The following RREB1 variants were observed in gnomAD, a reference collection of about 807,000 sequenced individuals.
RREB1 encodes ras-responsive element-binding protein 1.
A neutral mutation model predicts 117.8 loss-of-function variants in RREB1; 27 were observed. That is an observed-to-expected ratio of 0.23 (90% confidence interval 0.17 to 0.32). RREB1 has a LOEUF of 0.32. Among genes scored for constraint, RREB1 ranks in the 10% least tolerant of loss-of-function variants. The probability of loss-of-function intolerance (pLI) is 1.00; values close to 1 mark genes in which losing one functional copy is unlikely to be tolerated. For synonymous variants in RREB1, 1,298 were observed against 1,026.7 expected (o/e 1.26, Z -5.05); for missense variants, 2,577 against 2,378.2 (o/e 1.08, Z -1.74).
At chr6:7,125,895 C>T (rs576829688) in intron 1 of RREB1, among the ~76,000 whole-genome samples, 5 of 152,112 alleles carry the variant, frequency 3.3e-5, no homozygotes, top group Middle Eastern at 3.2e-3. Flanking sequence ...GTGAGGGCAT[C>T]GGAGCAAGTT....
rs1185556898 is a variant in RREB1, at chr6:7,246,550, A to G, written c.4100A>G (p.Glu1367Gly). 2.1e-5 allele frequency: 32 copies of G among 1,548,190 alleles called. No homozygotes were observed. Among genetic ancestry groups the G allele is most frequent in the Non-Finnish European group, 2.7e-5 (31 of 1,146,662 alleles). Reference sequence around the variant, plus strand: ...CAGGTCGCAGGGGATGCGCCTGTGGAGCAGGCCACGGCGGAAACGGCCTCG... The same window carrying G: ...CAGGTCGCAGGGGATGCGCCTGTGGGGCAGGCCACGGCGGAAACGGCCTCG... Reference protein sequence around the residue: ...LRQVAGDAPVEQATAETASPV... With the variant: ...LRQVAGDAPVGQATAETASPV... Residue 1367 changes from glutamate to glycine, a missense_variant, in exon 12 of 13, where the codon GAG (glutamate) becomes GGG (glycine). Physicochemically the swap from Glu to Gly is moderately conservative, Grantham distance 98 (BLOSUM62 -2). Coordinates refer to ENST00000379938, the MANE Select transcript of RREB1 (RefSeq NM_001003699.4).
At chr6:7,236,898 T>TTG (rs1191576397) in intron 10 of RREB1, among the ~76,000 whole-genome samples, 14 of 136,238 alleles carry the variant, frequency 1.0e-4, no homozygotes, top group Non-Finnish European at 1.9e-4. Context: ...TTTTTTTTTT[T>TTG]TTTTTTTTTT....
In RREB1 at chr6:7,231,502, A is replaced by G. The variant is rs1291130576; in HGVS notation, c.3403A>G (p.Ser1135Gly). 1 of 1,610,296 alleles carries G rather than the reference A, an allele frequency of 6.2e-7. No individual in the cohort carries two copies. The highest frequency in any genetic ancestry group is 1.1e-5 in the South Asian group (1 of 90,928). The change falls in exon 10 of 13, where the codon AGC (serine) becomes GGC (glycine). Residue 1135 changes from serine to glycine, a missense_variant. By Grantham distance (56) the Ser-to-Gly change is moderately conservative (BLOSUM62 0). Coordinates refer to ENST00000379938, the MANE Select transcript of RREB1 (RefSeq NM_001003699.4). ...TAGTGAGCCTCCCGCTCCAGCCAGC[A>G]GCCCAGAGGCTGCCTCTCCCACCGA... ...ESSEPPAPASSPEAASPTEQG... is the reference protein window; with the variant it reads ...ESSEPPAPASGPEAASPTEQG...
At chr6:7,137,559 A>G (rs1193090161) in intron 1 of RREB1, among the ~76,000 whole-genome samples, 1 of 152,244 alleles carries the variant, frequency 6.6e-6, no homozygotes, top group East Asian at 1.9e-4. Context: ...GCCAGATGCT[A>G]AGATAGTTGT....
At chr6:7,159,499 T>G (rs1763544957) in intron 1 of RREB1, among the ~76,000 whole-genome samples, 1 of 152,220 alleles carries the variant, frequency 6.6e-6, no homozygotes, top group African/African-American at 2.4e-5. Context: ...TATAACTGTT[T>G]ATTACAGGCA....
Position 7,230,172 on chromosome 6 carries a change from C to T in RREB1, c.2073C>T (p.Arg691=), listed in dbSNP as rs1367913254. 1.2e-6 allele frequency: 2 copies of T among 1,607,042 alleles called. No individual in the cohort carries two copies. The highest frequency in any genetic ancestry group is 4.5e-5 in the East Asian group (2 of 44,878). Reference sequence around the variant, plus strand: ...AGGCCGCGCTCATCCGCCACCTGCGCACGCACAGTGGGGAGCGGCCCTACA... The same window carrying T: ...AGGCCGCGCTCATCCGCCACCTGCGTACGCACAGTGGGGAGCGGCCCTACA... The part of the protein sequence containing the change: ...ADKAALIRHL[R]THSGERPYIC... The change falls in exon 10 of 13, where the codon CGC becomes CGT. Residue 691 remains arginine (R), a synonymous_variant. Transcript: ENST00000379938.
At chr6:7,193,757 A>G (rs185498226) in intron 6 of RREB1, among the ~76,000 whole-genome samples, 1 of 152,234 alleles carries the variant, frequency 6.6e-6, no homozygotes, top group Non-Finnish European at 1.5e-5. Flanking sequence ...TATTTTTGAT[A>G]ACTTTGTGCA....
rs181508666 is a variant in RREB1, at chr6:7,188,271, G to C, written c.261+748G>C. On this transcript the variant is annotated intron_variant, in intron 5 of 12. Transcript: ENST00000379938. ...TGTGTGTGCGCGCGCGCACGTGTGT[G>C]ACGGAGTCTCGTTCTGTCGCCCAGG... Among the ~76,000 whole-genome samples, 342 of 151,086 alleles carry C rather than the reference G, an allele frequency of 2.3e-3. 3 individuals are homozygous for C. Among genetic ancestry groups the C allele is most frequent in the African/African-American group, 7.7e-3 (319 of 41,402 alleles).
rs776857164 is a variant in RREB1 at position 7,230,026 on chromosome 6, T to C, written c.1927T>C (p.Tyr643His). Residue 643 changes from tyrosine (Y) to histidine (H), a missense_variant, in exon 10 of 13, where the codon TAC becomes CAC. Tyr to His is a moderately conservative substitution (Grantham distance 83, BLOSUM62 2). Transcript: ENST00000379938. Reference protein sequence around the residue: ...KKTPAMRKVLYPCRFCNQVFA... With the variant: ...KKTPAMRKVLHPCRFCNQVFA... The stretch of plus-strand genomic sequence containing the variant: ...GACGCCCGCCATGCGCAAGGTGCTC[T>C]ACCCCTGCCGCTTCTGCAACCAGGT... 1.2e-6 allele frequency: 2 copies of C among 1,610,242 alleles called. No individual in the cohort carries two copies. The highest frequency in any genetic ancestry group is 1.7e-6 in the Non-Finnish European group (2 of 1,177,836).
intron 1 of RREB1, among the ~76,000 whole-genome samples, chr6:7,172,740 G>T (rs536998901): frequency 1.3e-5 from 2 of 152,044 alleles, no homozygotes; most frequent in South Asian, 4.1e-4. Flanking sequence ...CCAAGGCATA[G>T]CCTGGACCCT....
intron 1 of RREB1, among the ~76,000 whole-genome samples, chr6:7,123,183 A>G (rs2113322433): frequency 6.6e-6 from 1 of 151,164 alleles, no homozygotes; most frequent in African/African-American, 2.4e-5. Flanking sequence ...TTGGAGACAG[A>G]GTCTCACTCT....
chr6:7,249,826 G>T lies in RREB1; in HGVS notation c.*858G>T, dbSNP rs948035904. The stretch of plus-strand genomic sequence containing the variant: ...ATTATTATTATTATTATTATTATTA[G>T]TTCATCAGTTTGCTGTTCTCTGCAG... On this transcript the variant is annotated 3_prime_UTR_variant, in exon 13 of 13. Coordinates refer to ENST00000379938, the MANE Select transcript of RREB1 (RefSeq NM_001003699.4). The T allele has an allele frequency of 2.0e-5, 3 of 150,450 alleles. No homozygotes were observed. Among genetic ancestry groups the T allele is most frequent in the African/African-American group, 7.5e-5 (3 of 40,074 alleles). The allele number at this position is 150,450 out of a possible 1,614,324, so 9.3% of individuals were successfully genotyped here.
chr6:7,157,868 G>A (rs928535550), intron 1 of RREB1, among the ~76,000 whole-genome samples: 24 of 151,976 alleles, frequency 1.6e-4, no homozygotes, highest in South Asian at 6.2e-4. Flanking sequence ...TCTACCACTC[G>A]CTGCTAATGC....
Position 7,249,020 on chromosome 6 carries a change from T to G in RREB1, c.*52T>G. 1 of 1,384,712 alleles carries G rather than the reference T, an allele frequency of 7.2e-7. No homozygotes were observed. The highest frequency in any genetic ancestry group is 9.5e-7 in the Non-Finnish European group (1 of 1,052,828). 85.8% of individuals were successfully genotyped at this position (1,384,712 alleles called of 1,614,324 possible). On this transcript the variant is annotated 3_prime_UTR_variant, in exon 13 of 13. Transcript: ENST00000379938. Reference sequence around the variant, plus strand: ...AAAAGCCAGCAGAGCAAAGCGTCTATACTTCATGGGGTTTCCTCAGTGCCC... The same window carrying G: ...AAAAGCCAGCAGAGCAAAGCGTCTAGACTTCATGGGGTTTCCTCAGTGCCC...
intron 1 of RREB1, among the ~76,000 whole-genome samples, chr6:7,109,988 A>G (rs1581392737): frequency 6.6e-6 from 1 of 152,378 alleles, no homozygotes; most frequent in African/African-American, 2.4e-5. Context: ...TTTAAAAGCC[A>G]GTGGAAATAA....
chr6:7,146,654 G>A (rs1762876738), intron 1 of RREB1, among the ~76,000 whole-genome samples: 1 of 152,124 alleles, frequency 6.6e-6, no homozygotes, highest in Non-Finnish European at 1.5e-5. Flanking sequence ...AGTCATGTTT[G>A]AGCTCACTAT....
intron 1 of RREB1, among the ~76,000 whole-genome samples, chr6:7,122,729 G>A (rs1379252394): frequency 1.3e-5 from 2 of 152,186 alleles, no homozygotes; most frequent in East Asian, 3.8e-4. Flanking sequence ...AAATTTTAAA[G>A]TACTCTACAA....
intron 1 of RREB1, among the ~76,000 whole-genome samples, chr6:7,175,811 T>G (rs1164551730): frequency 1.3e-5 from 2 of 152,246 alleles, no homozygotes; most frequent in Non-Finnish European, 1.5e-5. Flanking sequence ...AAGGAAAAGG[T>G]CTGCATTTGG....
At chr6:7,170,156 A>G (rs1317063290) in intron 1 of RREB1, among the ~76,000 whole-genome samples, 2 of 152,238 alleles carry the variant, frequency 1.3e-5, no homozygotes, top group African/African-American at 4.8e-5. Context: ...AAAATGCTCC[A>G]GGTCAAGACC....
Sources: allele counts gnomAD v4.1 joint callset (sites outside exome capture counted in the v4.1 genomes callset), GRCh38; gene constraint gnomAD v4.1.1; transcripts MANE v1.5; gene names NCBI Gene and HGNC (gene_info 2026-07-23, HGNC 2026-07-21).